The following CDH18 variants were observed in gnomAD, a reference collection of about 807,000 sequenced individuals.
CDH18 encodes cadherin-18.
Under a neutral mutation model 67.9 loss-of-function variants are expected in CDH18, and 31 were observed. The observed-to-expected ratio is 0.46, with a 90% confidence interval of 0.34 to 0.62. The LOEUF (loss-of-function observed/expected upper bound fraction) is 0.62. Ranked by LOEUF, CDH18 falls within the 20% of genes least tolerant of loss-of-function variation. CDH18 has a pLI of 0.01. For missense variants in CDH18, 890 were observed against 975.5 expected (o/e 0.91, Z 1.17); for synonymous variants, 362 against 347.2 (o/e 1.04, Z -0.48).
upstream of CDH18, among the ~76,000 whole-genome samples, chr5:19,989,482 T>A (rs1799857789): frequency 6.6e-6 from 1 of 152,144 alleles, no homozygotes; most frequent in Admixed American, 6.6e-5. Context: ...TCTCTGAGCC[T>A]CAGGAGGCCA....
intron 1 of CDH18, among the ~76,000 whole-genome samples, chr5:20,533,115 G>A (rs1756516978): frequency 6.6e-6 from 1 of 152,042 alleles, no homozygotes; most frequent in African/African-American, 2.4e-5. Flanking sequence ...CTCACTCGGG[G>A]AGAATGCCAT....
Position 19,969,667 on chromosome 5 carries a change from G to A in CDH18, c.-257+11393C>T, listed in dbSNP as rs564892893. 8.1e-5 allele frequency among the ~76,000 whole-genome samples: 12 copies of A among 148,892 alleles called. No individual in the cohort carries two copies. In the South Asian group the frequency reaches 2.4e-3, roughly 30 times the overall value. On this transcript the variant is annotated intron_variant, in intron 2 of 12. Transcript: ENST00000382275. ...AATGAGAACACATGGACACAGGAAG[G>A]GGAACATCACACTCTGGGGACTGTT...
At chr5:20,394,831 A>T (rs570686454) in intron 1 of CDH18, among the ~76,000 whole-genome samples, 3 of 152,270 alleles carry the variant, frequency 2.0e-5, no homozygotes, top group African/African-American at 7.2e-5. Flanking sequence ...CATATGAAAA[A>T]ATGCTCAACA....
At chr5:20,544,123 G>C in intron 1 of CDH18, among the ~76,000 whole-genome samples, 1 of 152,110 alleles carries the variant, frequency 6.6e-6, no homozygotes, top group Admixed American at 6.6e-5. Flanking sequence ...TGCTGAATCT[G>C]TTTCCCTCTT....
chr5:20,278,071 T>C (rs1050933988), intron 1 of CDH18, among the ~76,000 whole-genome samples: 1 of 152,068 alleles, frequency 6.6e-6, no homozygotes, highest in Non-Finnish European at 1.5e-5. Flanking sequence ...TTAAAGTAGA[T>C]AGATAATGAG....
intron 11 of CDH18, among the ~76,000 whole-genome samples, chr5:19,497,623 T>C (rs1742564448): frequency 6.6e-6 from 1 of 152,194 alleles, no homozygotes; most frequent in Admixed American, 6.5e-5. Context: ...TTACATTTAG[T>C]TATTTAGCAA....
chr5:20,158,707 C>G (rs1391018560), intron 2 of CDH18: 2 of 169,936 alleles, frequency 1.2e-5, no homozygotes, highest in Non-Finnish European at 2.9e-5. Flanking sequence ...AGATGTCCTT[C>G]AATAATTTCT....
At chr5:20,164,727 A>G (rs1736157558) in intron 2 of CDH18, among the ~76,000 whole-genome samples, 1 of 152,218 alleles carries the variant, frequency 6.6e-6, no homozygotes. Context: ...CCAAGAATTT[A>G]TATTTAGATG....
intron 2 of CDH18, among the ~76,000 whole-genome samples, chr5:20,120,418 T>C (rs982226921): frequency 1.3e-5 from 2 of 152,156 alleles, no homozygotes; most frequent in African/African-American, 2.4e-5. Context: ...TTATTATTTC[T>C]ACTTTACAGA....
intron 2 of CDH18, among the ~76,000 whole-genome samples, chr5:20,146,631 A>C (rs1750670521): frequency 6.8e-6 from 1 of 146,560 alleles, no homozygotes. Flanking sequence ...AAAAAAAAAA[A>C]TAAAATAAAC....
intron 1 of CDH18, among the ~76,000 whole-genome samples, chr5:20,376,090 A>ACTTTTTTTTTTTTTTTTTTT (rs1562014136): frequency 5.9e-5 from 1 of 16,880 alleles, no homozygotes; most frequent in Non-Finnish European, 1.5e-4. Context: ...AAAAAGAAAC[A>ACTTTTTTTTTTTTTTTTTTT]ATTTTTTTTT....
chr5:19,886,755 A>G (rs1033675058), intron 2 of CDH18, among the ~76,000 whole-genome samples: 1 of 152,180 alleles, frequency 6.6e-6, no homozygotes, highest in Non-Finnish European at 1.5e-5. Flanking sequence ...ACCAGTATCC[A>G]GATGTCTACA....
intron 2 of CDH18, among the ~76,000 whole-genome samples, chr5:20,206,411 T>A (rs1156426635): frequency 6.6e-6 from 1 of 151,862 alleles, no homozygotes; most frequent in Non-Finnish European, 1.5e-5. Context: ...AACATTTAAT[T>A]AACTAATTCC....
intron 11 of CDH18, among the ~76,000 whole-genome samples, chr5:19,489,494 C>T (rs536104219): frequency 6.6e-6 from 1 of 151,842 alleles, no homozygotes; most frequent in Admixed American, 6.6e-5. Context: ...TGATCTGCCC[C>T]CCTTGGCCTC....
chr5:20,563,614 T>C (rs543467790), intron 1 of CDH18, among the ~76,000 whole-genome samples: 3 of 152,264 alleles, frequency 2.0e-5, no homozygotes, highest in South Asian at 4.1e-4. Flanking sequence ...TTGTTACATA[T>C]GTATACGTTT....
chr5:19,999,480 T>C (rs1736270813), intron 2 of CDH18, among the ~76,000 whole-genome samples: 1 of 152,108 alleles, frequency 6.6e-6, no homozygotes, highest in Non-Finnish European at 1.5e-5. Flanking sequence ...CAGGTACCTA[T>C]AATCCCAGCT....
chr5:19,595,851 T>C (rs1294073089), intron 6 of CDH18, among the ~76,000 whole-genome samples: 2 of 152,210 alleles, frequency 1.3e-5, no homozygotes, highest in Non-Finnish European at 2.9e-5. Flanking sequence ...CTAAACTAAA[T>C]GTCCGAATAA....
intron 5 of CDH18, among the ~76,000 whole-genome samples, chr5:19,669,193 AAT>A (rs1758388864): frequency 6.8e-6 from 1 of 146,848 alleles, no homozygotes; most frequent in Non-Finnish European, 1.5e-5. Flanking sequence ...AATATAATAT[AAT>A]ATATGATGTA....
chr5:20,493,360 A>T (rs1215892292), intron 1 of CDH18, among the ~76,000 whole-genome samples: 15 of 41,896 alleles, frequency 3.6e-4, no homozygotes, highest in South Asian at 2.5e-3. Context: ...GAAAATTAAA[A>T]AAAAAAAAAA....
Sources: gnomAD v4.1 joint callset for allele counts (sites outside exome capture counted in the v4.1 genomes callset) on GRCh38, gnomAD v4.1.1 for gene constraint, MANE v1.5 for transcripts, NCBI Gene and HGNC (gene_info 2026-07-23, HGNC 2026-07-21) for gene names.